SNX10: variants seen among roughly 807,000 people sequenced by gnomAD.
The protein encoded by SNX10 is sorting nexin-10.
SNX10 carries 25 observed loss-of-function variants against 28.5 expected under a neutral mutation model. That is an observed-to-expected ratio of 0.88 (90% CI 0.64 to 1.22). The LOEUF is 1.22. Ranked by LOEUF, SNX10 falls within the 50% of genes most tolerant of loss-of-function variation. The pLI, the probability that SNX10 is intolerant of heterozygous loss-of-function variation, is 0.00. For synonymous variants in SNX10, 62 were observed against 81.4 expected (o/e 0.76, Z 1.28); for missense variants, 223 against 242.6 (o/e 0.92, Z 0.54).
In SNX10 at chr7:26,332,074, T is replaced by C. The variant is rs147376316; in HGVS notation, c.-23-14346T>C. On this transcript the variant is annotated intron_variant, in intron 1 of 6. Transcript: ENST00000338523. The stretch of plus-strand genomic sequence containing the variant: ...GCTGCTGTGAATAGTCATATACAAG[T>C]TTTTATTTCTCTTGGATATATATAC... Among the ~76,000 whole-genome samples, 4 of 152,332 alleles carry C rather than the reference T, an allele frequency of 2.6e-5. No homozygotes were observed. In the East Asian group the frequency reaches 7.7e-4, roughly 29 times the overall value.
At chr7:26,308,776 G>A (rs1254766938) in intron 1 of SNX10, among the ~76,000 whole-genome samples, 3 of 152,160 alleles carry the variant, frequency 2.0e-5, no homozygotes, top group Non-Finnish European at 4.4e-5. Context: ...GAAACAGCCT[G>A]GGGCTTGAGA....
In SNX10 at chr7:26,365,145, A is replaced by G. The variant is rs1789239578; in HGVS notation, c.311A>G (p.Lys104Arg). The G allele has an allele frequency of 6.3e-7, 1 of 1,593,358 alleles. No individual in the cohort carries two copies. The highest frequency in any genetic ancestry group is 1.1e-5 in the South Asian group (1 of 90,658). ...CAGGGTCTGGAAGATTTCCTCAGAAAGTGAGTGTCCAGAAACTTTTGTGGC... is the reference window on the plus strand; with the variant it reads ...CAGGGTCTGGAAGATTTCCTCAGAAGGTGAGTGTCCAGAAACTTTTGTGGC... ...RRQGLEDFLRKVLQNALLLSD... is the reference protein window; with the variant it reads ...RRQGLEDFLRRVLQNALLLSD... Residue 104 changes from lysine to arginine, a missense_variant and splice_region_variant, in exon 5 of 7, where the codon AAA becomes AGA. Lys to Arg is a conservative substitution (Grantham distance 26). Transcript: ENST00000338523.
intron 2 of SNX10, among the ~76,000 whole-genome samples, chr7:26,351,427 A>G (rs2128015227): frequency 6.6e-6 from 1 of 152,234 alleles, no homozygotes; most frequent in East Asian, 1.9e-4. Flanking sequence ...AACCTATAAC[A>G]CCAATCTAAT....
At chr7:26,318,225 T>C (rs984447672) in intron 1 of SNX10, among the ~76,000 whole-genome samples, 7 of 152,178 alleles carry the variant, frequency 4.6e-5, no homozygotes, top group Admixed American at 3.9e-4. Context: ...ATTTTTTTTT[T>C]CCACAGTGTT....
At chr7:26,292,120 C>T (rs1785945840) in intron 1 of SNX10, 34 bp downstream of exon 1, 1 of 152,706 alleles carries the variant, frequency 6.5e-6, no homozygotes. Context: ...GGGGGCCTCC[C>T]CTGCACCGCC....
intron 1 of SNX10, among the ~76,000 whole-genome samples, chr7:26,321,843 A>C (rs1787321557): frequency 6.6e-6 from 1 of 151,800 alleles, no homozygotes; most frequent in South Asian, 2.1e-4. Flanking sequence ...TCCTGGCCTC[A>C]AGATATCCTC....
In SNX10 at chr7:26,339,319, T is replaced by G. The variant is rs1021207343; in HGVS notation, c.-23-7101T>G. ...CATGCCGCCCAGACTGGTCTCAAAC[T>G]TTGAGGTCAAGTGATCCTCCCACCT... On this transcript the variant is annotated intron_variant, in intron 1 of 6. Transcript: ENST00000338523. 2.0e-5 allele frequency among the ~76,000 whole-genome samples: 3 copies of G among 152,084 alleles called. No individual in the cohort carries two copies. The East Asian group carries it at 5.8e-4, about 29-fold the overall frequency.
At chr7:26,301,947 G>A (rs534607366) in intron 1 of SNX10, among the ~76,000 whole-genome samples, 1 of 152,156 alleles carries the variant, frequency 6.6e-6, no homozygotes, top group South Asian at 2.1e-4. Flanking sequence ...TGGGTACATC[G>A]TTAGGCATAG....
intron 1 of SNX10, among the ~76,000 whole-genome samples, chr7:26,339,078 C>A (rs1004480945): frequency 6.6e-6 from 1 of 152,180 alleles, no homozygotes; most frequent in Non-Finnish European, 1.5e-5. Context: ...GGACCCCAGG[C>A]AAGAAAGGGG....
chr7:26,315,669 A>C (rs1329715559), intron 1 of SNX10, among the ~76,000 whole-genome samples: 2 of 145,878 alleles, frequency 1.4e-5, no homozygotes, highest in Non-Finnish European at 3.0e-5. Flanking sequence ...ACTCCATCTC[A>C]AAAAAAAAAA....
intron 1 of SNX10, among the ~76,000 whole-genome samples, chr7:26,331,970 C>T (rs1043152459): frequency 1.3e-5 from 2 of 152,166 alleles, no homozygotes; most frequent in Non-Finnish European, 2.9e-5. Context: ...AATAATACTC[C>T]ATTGAGTAGA....
intron 1 of SNX10, among the ~76,000 whole-genome samples, chr7:26,334,045 C>T (rs370998686): frequency 1.2e-4 from 19 of 152,260 alleles, no homozygotes; most frequent in African/African-American, 4.1e-4. Flanking sequence ...TCTGCTGTTC[C>T]AAAAGATGAA....
intron 1 of SNX10, among the ~76,000 whole-genome samples, chr7:26,304,412 C>T (rs1232173087): frequency 1.3e-5 from 2 of 152,200 alleles, no homozygotes; most frequent in Non-Finnish European, 2.9e-5. Context: ...CACTTTGTTC[C>T]CCTCCGATCC....
chr7:26,335,989 C>T (rs1787926821), intron 1 of SNX10, among the ~76,000 whole-genome samples: 1 of 151,960 alleles, frequency 6.6e-6, no homozygotes. Context: ...CCTCGGCCTC[C>T]CAAAGTGCTG....
intron 1 of SNX10, among the ~76,000 whole-genome samples, chr7:26,299,476 G>T (rs915331827): frequency 6.7e-6 from 1 of 148,416 alleles, no homozygotes; most frequent in Non-Finnish European, 1.5e-5. Context: ...GAGCCACTGT[G>T]CCTGGCCTCT....
intron 1 of SNX10, among the ~76,000 whole-genome samples, chr7:26,318,468 T>C (rs543073534): frequency 1.1e-4 from 16 of 152,158 alleles, no homozygotes; most frequent in Admixed American, 7.9e-4. Context: ...TTATTTATTA[T>C]TGTTATTATT....
At chr7:26,340,798 G>A (rs997830810) in intron 1 of SNX10, among the ~76,000 whole-genome samples, 2 of 152,124 alleles carry the variant, frequency 1.3e-5, no homozygotes, top group African/African-American at 2.4e-5. Context: ...ACAGAGTCTC[G>A]CTCTGTTGTC....
At chr7:26,337,351 T>C (rs1320682303) in intron 1 of SNX10, among the ~76,000 whole-genome samples, 3 of 152,258 alleles carry the variant, frequency 2.0e-5, no homozygotes, top group Non-Finnish European at 4.4e-5. Flanking sequence ...TACACTTCAG[T>C]AGCGTTAAGT....
intron 1 of SNX10, among the ~76,000 whole-genome samples, chr7:26,344,489 C>G (rs1788304005): frequency 6.6e-6 from 1 of 152,178 alleles, no homozygotes; most frequent in Non-Finnish European, 1.5e-5. Flanking sequence ...TGTGACTGCT[C>G]TTGGTACTTC....
Sources: gnomAD v4.1 joint callset for allele counts (sites outside exome capture counted in the v4.1 genomes callset) on GRCh38, gnomAD v4.1.1 for gene constraint, MANE v1.5 for transcripts, NCBI Gene and HGNC (gene_info 2026-07-23, HGNC 2026-07-21) for gene names.